Variants in GRHL3 observed in about 807,000 individuals in gnomAD.
GRHL3 encodes the protein grainyhead-like protein 3 homolog.
Under a neutral mutation model 70.3 loss-of-function variants are expected in GRHL3, and 20 were observed. That is an observed-to-expected ratio of 0.28 (90% CI 0.20 to 0.41). The LOEUF (loss-of-function observed/expected upper bound fraction) is 0.41, where lower values mean the gene tolerates loss of function less well. GRHL3 is among the 10% of genes least tolerant of loss of function. The pLI, the probability that GRHL3 is intolerant of heterozygous loss-of-function variation, is 1.00. For missense variants in GRHL3, 637 were observed against 762.3 expected (o/e 0.84, Z 1.94); for synonymous variants, 299 against 299.9 (o/e 1.00, Z 0.03).
intron 8 of GRHL3, 136 bp downstream of exon 8, chr1:24,339,898 T>A (rs1639972933): frequency 1.9e-6 from 1 of 539,368 alleles, no homozygotes. Flanking sequence ...GGATGCAGTG[T>A]AGTATGGAAG....
In GRHL3 at chr1:24,354,664, TC is replaced by T; in HGVS notation, c.*180del. On this transcript the variant is annotated 3_prime_UTR_variant, in exon 16 of 16. Transcript: ENST00000361548. ...CAGGGCCAGGGAGAGACCTAGGGGG[TC>T]CCCTGGCCTGGATCCCCATGGTATG... The T allele has an allele frequency of 5.5e-6, 3 of 547,062 alleles. No homozygotes were observed. Among genetic ancestry groups the T allele is most frequent in the Non-Finnish European group, 9.9e-6 (3 of 304,544 alleles). 33.9% of individuals were successfully genotyped at this position (547,062 alleles called of 1,614,324 possible).
intron 12 of GRHL3, among the ~76,000 whole-genome samples, chr1:24,345,708 C>G (rs1346522687): frequency 6.6e-6 from 1 of 152,188 alleles, no homozygotes; most frequent in East Asian, 1.9e-4. Flanking sequence ...CTAGGAAGGG[C>G]CTTTGTGTCC....
At chr1:24,349,115 G>A (rs1038873709) in intron 14 of GRHL3, among the ~76,000 whole-genome samples, 9 of 152,122 alleles carry the variant, frequency 5.9e-5, no homozygotes, top group African/African-American at 1.7e-4. Flanking sequence ...TGGCCTGTTC[G>A]AAGTTCTGCA....
chr1:24,336,349 T>A (rs1413052074), intron 3 of GRHL3, 133 bp from the exon 4 acceptor site: 1 of 614,782 alleles, frequency 1.6e-6, no homozygotes, highest in East Asian at 2.8e-5. Context: ...CAGTGTCTTA[T>A]TTCGTGCATG....
At chr1:24,336,147 T>C (rs1639801215) in intron 3 of GRHL3, among the ~76,000 whole-genome samples, 1 of 152,190 alleles carries the variant, frequency 6.6e-6, no homozygotes, top group South Asian at 2.1e-4. Context: ...TACAGTTGTT[T>C]TGAAGTAGGG....
intron 8 of GRHL3, among the ~76,000 whole-genome samples, chr1:24,340,507 T>C (rs1639995016): frequency 6.6e-6 from 1 of 152,338 alleles, no homozygotes; most frequent in Middle Eastern, 3.4e-3. Flanking sequence ...CGCATGGGCC[T>C]CGCTGTGTCT....
At chr1:24,353,859 C>T (rs1006922598) in intron 15 of GRHL3, among the ~76,000 whole-genome samples, 4 of 152,072 alleles carry the variant, frequency 2.6e-5, no homozygotes, top group Non-Finnish European at 5.9e-5. Context: ...TCAAGTCTAT[C>T]GGACAATCCT....
rs57541499 is a variant in GRHL3, at chr1:24,354,081, A to G, written c.1695-293A>G. Among the ~76,000 whole-genome samples, 17,555 of 152,200 alleles carry G rather than the reference A, an allele frequency of 0.12. 2,176 individuals are homozygous for G. The highest frequency in any genetic ancestry group is 0.31 in the African/African-American group (12,996 of 41,498). ...CCCAGATCTACATACTAGTTGCTTG[A>G]GTGTCCATCCTCGGGTGTACCAGGA... On this transcript the variant is annotated intron_variant, in intron 15 of 15. Coordinates refer to ENST00000361548, the MANE Select transcript of GRHL3 (RefSeq NM_198173.3).
At chr1:24,319,833 G>A in intron 1 of GRHL3, 1 of 1,064,750 alleles carries the variant, frequency 9.4e-7, no homozygotes, top group Non-Finnish European at 1.3e-6. Context: ...GACTGAAACT[G>A]TGAAGGTTTC....
chr1:24,360,705 G>A (rs1402576775), intron 15 of GRHL3: 1 of 714,718 alleles, frequency 1.4e-6, no homozygotes, highest in Non-Finnish European at 2.2e-6. Context: ...CTGTGAAAAT[G>A]TGAACTGATA....
intron 5 of GRHL3, 107 bp from the exon 6 acceptor site, chr1:24,337,529 T>C: frequency 1.7e-6 from 2 of 1,211,934 alleles, no homozygotes; most frequent in African/African-American, 1.5e-5. Flanking sequence ...TTTTCCAAGG[T>C]CAAACAGCAA....
At chr1:24,339,520 C>T (rs1639957007) in intron 7 of GRHL3, 148 bp from the exon 8 acceptor site, 2 of 541,760 alleles carry the variant, frequency 3.7e-6, no homozygotes, top group African/African-American at 1.9e-5. Context: ...ACCTTGTGAT[C>T]CCCCTGCCTC....
At chr1:24,361,248 C>T (rs868161751) in intron 15 of GRHL3, among the ~76,000 whole-genome samples, 3 of 152,140 alleles carry the variant, frequency 2.0e-5, no homozygotes, top group South Asian at 2.1e-4. Context: ...ATGATGGGAC[C>T]TACTTTGAGG....
chr1:24,342,390 T>A lies in GRHL3; in HGVS notation c.1206+117T>A. ...CTGTCTCTCTCTGTTTTTCTATCCCTTCTCCTCCTTCCCCTCTCCTCCTCC... is the reference window on the plus strand; with the variant it reads ...CTGTCTCTCTCTGTTTTTCTATCCCATCTCCTCCTTCCCCTCTCCTCCTCC... On this transcript the variant is annotated intron_variant, in intron 9 of 15. Transcript: ENST00000361548. The surrounding 1 kb of genome is among the most constrained non-coding windows in gnomAD (Gnocchi z 4.8). The A allele has an allele frequency of 1.2e-6, 1 of 833,748 alleles. No individual in the cohort carries two copies. The highest frequency in any genetic ancestry group is 1.9e-6 in the Non-Finnish European group (1 of 531,156). 51.6% of individuals were successfully genotyped at this position (833,748 alleles called of 1,614,324 possible). A position where few individuals can be genotyped will look rare whatever the true frequency, so the allele number is the denominator to read the frequency against.
intron 2 of GRHL3, among the ~76,000 whole-genome samples, chr1:24,332,763 C>T (rs1252901998): frequency 6.6e-6 from 1 of 152,190 alleles, no homozygotes; most frequent in Non-Finnish European, 1.5e-5. Flanking sequence ...GTGTTTTATC[C>T]ACTCTACCTC....
At chr1:24,349,000 C>A (rs1382535878) in intron 14 of GRHL3, among the ~76,000 whole-genome samples, 1 of 152,228 alleles carries the variant, frequency 6.6e-6, no homozygotes, top group African/African-American at 2.4e-5. Flanking sequence ...TGGGCTGAGC[C>A]CTTTACACAA....
intron 15 of GRHL3, chr1:24,361,015 G>A: frequency 6.2e-7 from 1 of 1,611,956 alleles, no homozygotes; most frequent in Non-Finnish European, 8.5e-7. Context: ...CGAAGGCTGA[G>A]CAGAGAAGTT....
chr1:24,327,698 T>C (rs1639447621), intron 1 of GRHL3, among the ~76,000 whole-genome samples: 1 of 152,202 alleles, frequency 6.6e-6, no homozygotes. Flanking sequence ...CCTCATAGGT[T>C]GGGAGTCCCC....
intron 4 of GRHL3, 35 bp downstream of exon 4, chr1:24,336,862 T>C (rs765647968): frequency 2.7e-6 from 4 of 1,479,434 alleles, no homozygotes; most frequent in Non-Finnish European, 3.7e-6. Context: ...ATAGCATAGA[T>C]ATGTGTGTGC....
Sources: allele counts gnomAD v4.1 joint callset (sites outside exome capture counted in the v4.1 genomes callset), GRCh38; gene constraint gnomAD v4.1.1; non-coding constraint Gnocchi (gnomAD v3.1); transcripts MANE v1.5; gene names NCBI Gene and HGNC (gene_info 2026-07-23, HGNC 2026-07-21).